Variants in STK39 observed in about 807,000 individuals in gnomAD.
STK39 encodes STE20/SPS1-related proline-alanine-rich protein kinase.
A neutral mutation model predicts 77.8 loss-of-function variants in STK39; 20 were observed. The ratio of observed to expected loss-of-function variants is 0.26; its 90% CI spans 0.18 to 0.37. The LOEUF (loss-of-function observed/expected upper bound fraction) is 0.37. Among genes scored for constraint, STK39 ranks in the 10% least tolerant of loss-of-function variants. The pLI is 1.00. For missense variants in STK39, 479 were observed against 656.5 expected (o/e 0.73, Z 2.95); for synonymous variants, 246 against 234.1 (o/e 1.05, Z -0.47).
intron 16 of STK39, among the ~76,000 whole-genome samples, chr2:167,998,752 C>T (rs1273697321): frequency 1.3e-5 from 2 of 152,164 alleles, no homozygotes; most frequent in Non-Finnish European, 2.9e-5. Flanking sequence ...AATTACAAAT[C>T]GCTTTTCAAT....
In STK39 at chr2:168,226,976, G is replaced by C. The variant is rs533874679; in HGVS notation, c.208+20252C>G. ...TGGATCCAGAATACACATTTTTAAA[G>C]GAGGTGGATCTCTGAGAAATAGCCT... On this transcript the variant is annotated intron_variant, in intron 1 of 17. Transcript: ENST00000355999. Among the ~76,000 whole-genome samples, 195 of 152,296 alleles carry C rather than the reference G, an allele frequency of 1.3e-3. 1 individual carries two copies. Among genetic ancestry groups the C allele is most frequent in the Non-Finnish European group, 2.4e-3 (161 of 68,030 alleles).
intron 5 of STK39, among the ~76,000 whole-genome samples, chr2:168,145,538 T>C (rs1012163277): frequency 1.3e-5 from 2 of 152,158 alleles, no homozygotes; most frequent in South Asian, 2.1e-4. Context: ...TTGGAATCTT[T>C]ATGAAAAAGC....
intron 14 of STK39, among the ~76,000 whole-genome samples, chr2:168,059,099 T>C (rs1685597683): frequency 6.6e-6 from 1 of 152,346 alleles, no homozygotes; most frequent in South Asian, 2.1e-4. Flanking sequence ...TTGCAAGTGC[T>C]GTTTGCTCGG....
At chr2:168,174,522 TTTTC>T (rs1012932703) in intron 2 of STK39, among the ~76,000 whole-genome samples, 110 of 152,246 alleles carry the variant, frequency 7.2e-4, no homozygotes, top group African/African-American at 2.6e-3. Context: ...GAAGATGCCA[TTTTC>T]TTTTATAGTT....
intron 16 of STK39, among the ~76,000 whole-genome samples, chr2:167,976,517 G>T (rs1683280325): frequency 1.3e-5 from 2 of 152,130 alleles, no homozygotes; most frequent in South Asian, 2.1e-4. Flanking sequence ...CTGAATTCTG[G>T]TAAGGTGCAG....
At chr2:167,993,802 C>T (rs80288873) in intron 16 of STK39, among the ~76,000 whole-genome samples, 4,859 of 152,082 alleles carry the variant, frequency 0.032, 111 homozygotes, top group Non-Finnish European at 0.047. Flanking sequence ...AGTTTTACAC[C>T]GTATGGTTTT....
intron 1 of STK39, among the ~76,000 whole-genome samples, chr2:168,239,414 G>C (rs1574585474): frequency 1.3e-5 from 2 of 152,186 alleles, no homozygotes; most frequent in East Asian, 3.8e-4. Context: ...TCAGTCCTAA[G>C]ACCTCAGGAG....
intron 14 of STK39, among the ~76,000 whole-genome samples, chr2:168,034,524 G>T (rs1684903942): frequency 6.6e-6 from 1 of 152,290 alleles, no homozygotes; most frequent in East Asian, 1.9e-4. Flanking sequence ...CCAGTGGCTG[G>T]CCACCATTGC....
intron 17 of STK39, among the ~76,000 whole-genome samples, chr2:167,959,027 G>A (rs913907304): frequency 1.3e-5 from 2 of 152,186 alleles, no homozygotes; most frequent in Admixed American, 6.5e-5. Context: ...CAAGCTTACA[G>A]TAGCGATACA....
chr2:168,088,185 T>C (rs1266522025), intron 10 of STK39, among the ~76,000 whole-genome samples: 5 of 152,232 alleles, frequency 3.3e-5, no homozygotes, highest in African/African-American at 1.2e-4. Flanking sequence ...TATCTGATTT[T>C]TTTCAACATA....
Position 168,105,321 on chromosome 2 carries a change from G to A in STK39, c.1089+24220C>T, listed in dbSNP as rs184127419. Among the ~76,000 whole-genome samples the A allele has an allele frequency of 7.2e-5, 11 of 152,238 alleles. No homozygotes were observed. In the East Asian group the frequency reaches 1.3e-3, roughly 19 times the overall value. Reference sequence around the variant, plus strand: ...TCTTCACTGGGAACAAAAGGCCTGCGCTCTCTTAGGGACAAAATAACTCAA... The same window carrying A: ...TCTTCACTGGGAACAAAAGGCCTGCACTCTCTTAGGGACAAAATAACTCAA... On this transcript the variant is annotated intron_variant, in intron 10 of 17. Coordinates refer to ENST00000355999, the MANE Select transcript of STK39 (RefSeq NM_013233.3).
At chr2:168,106,603 T>C (rs1009084145) in intron 10 of STK39, among the ~76,000 whole-genome samples, 1 of 152,104 alleles carries the variant, frequency 6.6e-6, no homozygotes, top group Non-Finnish European at 1.5e-5. Flanking sequence ...GAGGATCGCT[T>C]GAGCTCAGTA....
chr2:168,054,946 A>G (rs745809847), intron 14 of STK39, among the ~76,000 whole-genome samples: 23 of 152,162 alleles, frequency 1.5e-4, no homozygotes, highest in Non-Finnish European at 3.1e-4. Flanking sequence ...ACCTTATATT[A>G]TGGTCACTTG....
In STK39 at chr2:168,047,400, G is replaced by T. The variant is rs75641125; in HGVS notation, c.1376+16100C>A. ...ATTCTCAGAGAAAGACTTCTCTTTCGGGGGAGGGAGCAAAATGGTGCAACC... is the reference window on the plus strand; with the variant it reads ...ATTCTCAGAGAAAGACTTCTCTTTCTGGGGAGGGAGCAAAATGGTGCAACC... On this transcript the variant is annotated intron_variant, in intron 14 of 17. Transcript: ENST00000355999. Among the ~76,000 whole-genome samples, 13 of 152,264 alleles carry T rather than the reference G, an allele frequency of 8.5e-5. No homozygotes were observed. The East Asian group carries it at 2.5e-3, about 29-fold the overall frequency.
chr2:168,018,538 A>AAAAGAAAAGAAAG (rs1684480669), intron 14 of STK39, among the ~76,000 whole-genome samples: 3 of 85,490 alleles, frequency 3.5e-5, no homozygotes, highest in South Asian at 4.3e-4. Flanking sequence ...GAAAAGAAAG[A>AAAAGAAAAGAAAG]AAAGAAAGAA....
chr2:167,995,743 T>C (rs541440587), intron 16 of STK39, among the ~76,000 whole-genome samples: 1 of 152,316 alleles, frequency 6.6e-6, no homozygotes, highest in East Asian at 1.9e-4. Context: ...AGAATGGATT[T>C]AGGCTCGGTA....
At chr2:168,200,129 A>G (rs1374554938) in intron 1 of STK39, among the ~76,000 whole-genome samples, 1 of 152,262 alleles carries the variant, frequency 6.6e-6, no homozygotes, top group Non-Finnish European at 1.5e-5. Context: ...TCTCTTGAAC[A>G]TTAAAGTAAC....
chr2:168,244,496 G>A (rs78107372), intron 1 of STK39, among the ~76,000 whole-genome samples: 2,398 of 152,312 alleles, frequency 0.016, 72 homozygotes, highest in African/African-American at 0.055. Flanking sequence ...TATGACACCT[G>A]CCGTATGGCG....
intron 15 of STK39, among the ~76,000 whole-genome samples, chr2:168,013,461 G>T (rs1361589139): frequency 6.6e-6 from 1 of 152,192 alleles, no homozygotes; most frequent in Non-Finnish European, 1.5e-5. Flanking sequence ...ATTGCAAGTT[G>T]CTCAGAAGAA....
Sources: allele counts gnomAD v4.1 joint callset (sites outside exome capture counted in the v4.1 genomes callset), GRCh38; gene constraint gnomAD v4.1.1; transcripts MANE v1.5; gene names NCBI Gene and HGNC (gene_info 2026-07-23, HGNC 2026-07-21).